The following AUTS2 variants were observed in gnomAD, a reference collection of about 807,000 sequenced individuals.
AUTS2 encodes activator of transcription and developmental regulator AUTS2, also known as autism susceptibility gene 2 protein.
In AUTS2, 17 loss-of-function variants were observed where a neutral mutation model predicts 112.4. The observed-to-expected ratio is 0.15, with a 90% confidence interval of 0.10 to 0.23. The LOEUF is 0.23. AUTS2 is among the 10% of genes least tolerant of loss of function. The pLI is 1.00. For synonymous variants in AUTS2, 751 were observed against 702.7 expected (o/e 1.07, Z -1.09); for missense variants, 1,510 against 1,701.6 (o/e 0.89, Z 1.98).
chr7:70,280,037 G>A (rs562542406), intron 4 of AUTS2, among the ~76,000 whole-genome samples: 18 of 152,182 alleles, frequency 1.2e-4, no homozygotes, highest in South Asian at 2.1e-4. Flanking sequence ...CTTTACTTAC[G>A]AAATGAGAAT....
chr7:69,910,502 C>T (rs1795309490), intron 2 of AUTS2, among the ~76,000 whole-genome samples: 1 of 152,228 alleles, frequency 6.6e-6, no homozygotes, highest in Admixed American at 6.5e-5. Context: ...TGGACTTACA[C>T]TTCCACATGG....
At chr7:70,773,140 C>A (rs190409698) in intron 11 of AUTS2, among the ~76,000 whole-genome samples, 2 of 152,306 alleles carry the variant, frequency 1.3e-5, no homozygotes, top group East Asian at 3.9e-4. Flanking sequence ...AGTTGTACTG[C>A]AGCTGATTGC....
rs79630263 is a variant in AUTS2, at chr7:69,732,194, A to G, written c.309+132232A>G. 6.6e-3 allele frequency among the ~76,000 whole-genome samples: 997 copies of G among 152,038 alleles called. 31 individuals carry two copies. In the East Asian group the frequency reaches 0.099, roughly 15 times the overall value. ...GTGCCAGGCTAATTAATACTTTGGT[A>G]CCTTGCCTTTAAAGTACTTACTGCT... On this transcript the variant is annotated intron_variant, in intron 1 of 18. Transcript: ENST00000342771.
At chr7:70,088,802 C>T (rs191879405) in intron 2 of AUTS2, among the ~76,000 whole-genome samples, 1 of 151,992 alleles carries the variant, frequency 6.6e-6, no homozygotes, top group African/African-American at 2.4e-5. Flanking sequence ...TTAGTAGAGA[C>T]GGGGTTTCAC....
intron 2 of AUTS2, among the ~76,000 whole-genome samples, chr7:70,016,668 A>G (rs551348161): frequency 1.4e-5 from 2 of 140,798 alleles, no homozygotes; most frequent in African/African-American, 5.2e-5. Context: ...GCCTTGACAG[A>G]TTTTTTTTTT....
chr7:70,629,791 A>G (rs1157145296), intron 5 of AUTS2, among the ~76,000 whole-genome samples: 2 of 151,936 alleles, frequency 1.3e-5, no homozygotes, highest in African/African-American at 2.4e-5. Context: ...CTTTAGGTCT[A>G]TATTTTGGAC....
intron 2 of AUTS2, among the ~76,000 whole-genome samples, chr7:70,027,446 A>G (rs1229188160): frequency 6.6e-6 from 1 of 152,098 alleles, no homozygotes; most frequent in African/African-American, 2.4e-5. Context: ...CTCCATTACT[A>G]AGTCTTCATC....
At chr7:69,648,484 A>G (rs79154749) in intron 1 of AUTS2, among the ~76,000 whole-genome samples, 5,696 of 151,452 alleles carry the variant, frequency 0.038, 155 homozygotes, top group Middle Eastern at 0.084. Flanking sequence ...CGTGCATTTT[A>G]AAGTTGGTCT....
chr7:70,263,581 A>C (rs948787345), intron 4 of AUTS2, among the ~76,000 whole-genome samples: 2 of 152,218 alleles, frequency 1.3e-5, no homozygotes, highest in African/African-American at 4.8e-5. Flanking sequence ...TAGTGGTCTT[A>C]AGAGCATAAA....
intron 1 of AUTS2, among the ~76,000 whole-genome samples, chr7:69,824,386 G>C (rs1346719055): frequency 6.6e-6 from 1 of 151,680 alleles, no homozygotes; most frequent in Non-Finnish European, 1.5e-5. Flanking sequence ...TCCAGCCTGG[G>C]TGACAGCGCG....
At chr7:70,209,719 A>G (rs534696994) in intron 4 of AUTS2, among the ~76,000 whole-genome samples, 16 of 152,318 alleles carry the variant, frequency 1.1e-4, no homozygotes, top group Non-Finnish European at 2.1e-4. Context: ...GAAGTTGAAT[A>G]TGATCAGGAC....
Position 69,684,916 on chromosome 7 carries a change from G to A in AUTS2, c.309+84954G>A, listed in dbSNP as rs374499266. Among the ~76,000 whole-genome samples, 52 of 152,280 alleles carry A rather than the reference G, an allele frequency of 3.4e-4. No homozygotes were observed. The East Asian group carries it at 6.2e-3, about 18-fold the overall frequency. On this transcript the variant is annotated intron_variant, in intron 1 of 18. Transcript: ENST00000342771. ...CTGTAAGTTTTAGGTCACAAGATGC[G>A]TCTTTCCTGGCAGTTAAAATCTGTA...
intron 4 of AUTS2, among the ~76,000 whole-genome samples, chr7:70,168,401 C>G (rs1278929587): frequency 6.6e-6 from 1 of 152,230 alleles, no homozygotes; most frequent in African/African-American, 2.4e-5. Context: ...ACTGCAATCT[C>G]TGCCTCCCAG....
chr7:70,674,133 C>T (rs998807920), intron 5 of AUTS2, among the ~76,000 whole-genome samples: 36 of 152,100 alleles, frequency 2.4e-4, no homozygotes, highest in Non-Finnish European at 4.0e-4. Context: ...GGGCAGCTCC[C>T]GGCTCTGCTC....
chr7:70,376,019 T>TAA (rs536175849), intron 4 of AUTS2, among the ~76,000 whole-genome samples: 1 of 141,514 alleles, frequency 7.1e-6, no homozygotes, highest in Non-Finnish European at 1.5e-5. Flanking sequence ...TTTTTGTCGT[T>TAA]AAAAAAAAAA....
intron 4 of AUTS2, among the ~76,000 whole-genome samples, chr7:70,387,597 A>G (rs763392073): frequency 6.6e-6 from 1 of 152,178 alleles, no homozygotes; most frequent in Admixed American, 6.5e-5. Flanking sequence ...ACAGAACTCA[A>G]ACCCTGACAG....
intron 4 of AUTS2, among the ~76,000 whole-genome samples, chr7:70,142,464 T>C (rs1806916681): frequency 6.6e-6 from 1 of 152,224 alleles, no homozygotes; most frequent in Non-Finnish European, 1.5e-5. Context: ...TAGTGCTGCT[T>C]AGTGAACACT....
chr7:69,742,491 G>C (rs549750686), intron 1 of AUTS2, among the ~76,000 whole-genome samples: 5 of 152,222 alleles, frequency 3.3e-5, no homozygotes, highest in Admixed American at 6.5e-5. Context: ...AAAAATACTG[G>C]AACAGTTGGA....
chr7:70,643,556 C>G (rs1222898829), intron 5 of AUTS2, among the ~76,000 whole-genome samples: 1 of 152,062 alleles, frequency 6.6e-6, no homozygotes, highest in Non-Finnish European at 1.5e-5. Context: ...GGCAACAGAG[C>G]GAGACTCCGT....
Sources: allele counts gnomAD v4.1 joint callset (sites outside exome capture counted in the v4.1 genomes callset), GRCh38; gene constraint gnomAD v4.1.1; transcripts MANE v1.5; gene names NCBI Gene and HGNC (gene_info 2026-07-23, HGNC 2026-07-21).